Variants in SMPD3 observed in about 807,000 individuals in gnomAD.
The protein encoded by SMPD3 is sphingomyelin phosphodiesterase 3.
Under a neutral mutation model 55.7 loss-of-function variants are expected in SMPD3, and 21 were observed. That is an observed-to-expected ratio of 0.38 (90% CI 0.27 to 0.54). SMPD3 has a LOEUF of 0.54. Among genes scored for constraint, SMPD3 ranks in the 20% least tolerant of loss-of-function variants. SMPD3 has a pLI of 0.80. For synonymous variants in SMPD3, 457 were observed against 404.3 expected, an observed-to-expected ratio of 1.13 and a Z score of -1.56; for missense variants, 842 against 899.6, an observed-to-expected ratio of 0.94 and a Z score of 0.82.
rs934799688 is a variant in SMPD3 at position 68,385,634 on chromosome 16, G to A, written c.-207+964C>T. Among the ~76,000 whole-genome samples, 4 of 152,028 alleles carry A rather than the reference G, an allele frequency of 2.6e-5. No individual in the cohort carries two copies. The South Asian group carries it at 6.2e-4, about 24-fold the overall frequency. The stretch of plus-strand genomic sequence containing the variant: ...TGACCACCCTGGCAACCCTGACAAC[G>A]CTTAATTTGTCAATATTTGAGAAGG... On this transcript the variant is annotated intron_variant, in intron 2 of 8. Coordinates refer to ENST00000219334, the MANE Select transcript of SMPD3 (RefSeq NM_018667.4).
chr16:68,389,526 A>C (rs2090092706), intron 1 of SMPD3, among the ~76,000 whole-genome samples: 1 of 152,164 alleles, frequency 6.6e-6, no homozygotes, highest in African/African-American at 2.4e-5. Context: ...AATGAGGATA[A>C]CACTGACTTC....
At chr16:68,416,879 G>A (rs991756664) in intron 1 of SMPD3, among the ~76,000 whole-genome samples, 2 of 152,062 alleles carry the variant, frequency 1.3e-5, no homozygotes, top group African/African-American at 4.8e-5. Flanking sequence ...GGCCCGTGTC[G>A]CTGGAAGATG....
intron 1 of SMPD3, among the ~76,000 whole-genome samples, chr16:68,409,108 C>T (rs1219198606): frequency 6.6e-6 from 1 of 152,220 alleles, no homozygotes; most frequent in Non-Finnish European, 1.5e-5. Flanking sequence ...ATTCTCCCAG[C>T]AGGCTTTAAG....
intron 1 of SMPD3, among the ~76,000 whole-genome samples, chr16:68,446,817 G>A (rs1160952633): frequency 6.6e-6 from 1 of 152,198 alleles, no homozygotes; most frequent in East Asian, 1.9e-4. Context: ...AGTGGTCACA[G>A]GTCCTGAACA....
At chr16:68,444,517 TC>T (rs1263187576) in intron 1 of SMPD3, among the ~76,000 whole-genome samples, 1 of 67,808 alleles carries the variant, frequency 1.5e-5, no homozygotes, top group Non-Finnish European at 3.8e-5. Context: ...TTCTATGAAC[TC>T]CAAGAATTTT....
intron 1 of SMPD3, among the ~76,000 whole-genome samples, chr16:68,440,270 C>T (rs535008247): frequency 4.6e-5 from 7 of 152,288 alleles, no homozygotes; most frequent in African/African-American, 1.2e-4. Context: ...AATGTTGGCT[C>T]ACTGCAGCCT....
chr16:68,440,518 A>AT (rs1437193096), intron 1 of SMPD3, among the ~76,000 whole-genome samples: 1 of 152,238 alleles, frequency 6.6e-6, no homozygotes, highest in Non-Finnish European at 1.5e-5. Flanking sequence ...CAAATTCTAT[A>AT]TTAAATAACA....
rs2089657661 is a variant in SMPD3 at position 68,371,266 on chromosome 16, G to A, written c.916C>T (p.Arg306Ter). The A allele has an allele frequency of 2.5e-6, 4 of 1,605,922 alleles. No individual in the cohort carries two copies. The highest frequency in any genetic ancestry group is 3.4e-6 in the Non-Finnish European group (4 of 1,178,506). Residue 306 changes from arginine (R) to a stop codon, truncating the protein, a stop_gained, in exon 3 of 9, where the codon CGA (arginine) becomes TGA (stop). Transcript: ENST00000219334. LOFTEE classifies it high-confidence loss of function. ...CTGGCACTGGTGTCTGGCCCAGCTC[G>A]CCCCTTCACCAGGGACTCCCGGGAG... ...SASRESLVKG[R>*]AGPDTSASGE...
chr16:68,384,803 A>C lies in SMPD3; in HGVS notation c.-207+1795T>G, dbSNP rs560298060. 4.0e-5 allele frequency among the ~76,000 whole-genome samples: 6 copies of C among 151,578 alleles called. No homozygotes were observed. In the South Asian group the frequency reaches 1.0e-3, roughly 26 times the overall value. On this transcript the variant is annotated intron_variant, in intron 2 of 8. Transcript: ENST00000219334. ...CCATCACCTGACCCTAGCTGTGTGT[A>C]GAGTAGGAAGGTAATAGGAACCCCT...
At chr16:68,431,717 T>C (rs185430203) in intron 1 of SMPD3, among the ~76,000 whole-genome samples, 123 of 151,170 alleles carry the variant, frequency 8.1e-4, no homozygotes, top group Non-Finnish European at 1.4e-3. Context: ...AGGTCAGGAG[T>C]TCAAGACCAG....
At chr16:68,401,047 G>C (rs1436300100) in intron 1 of SMPD3, among the ~76,000 whole-genome samples, 1 of 152,222 alleles carries the variant, frequency 6.6e-6, no homozygotes, top group East Asian at 1.9e-4. Flanking sequence ...GCCACCCTCT[G>C]TGAGGTGCTG....
chr16:68,411,364 A>T (rs2090299212), intron 1 of SMPD3, among the ~76,000 whole-genome samples: 1 of 152,116 alleles, frequency 6.6e-6, no homozygotes, highest in Non-Finnish European at 1.5e-5. Context: ...GTGTCTGAGG[A>T]CAACCACCAT....
intron 1 of SMPD3, among the ~76,000 whole-genome samples, chr16:68,429,843 A>G (rs2090465801): frequency 6.6e-6 from 1 of 152,116 alleles, no homozygotes; most frequent in African/African-American, 2.4e-5. Flanking sequence ...AAGGGGTTAG[A>G]TGTTACAATT....
In SMPD3 at chr16:68,447,979, G is replaced by T. The variant is rs2090623452; in HGVS notation, c.-269+374C>A. Among the ~76,000 whole-genome samples the T allele has an allele frequency of 6.6e-6, 1 of 152,122 alleles. No individual in the cohort carries two copies. Among genetic ancestry groups the T allele is most frequent in the Non-Finnish European group, 1.5e-5 (1 of 68,012 alleles). Reference sequence around the variant, plus strand: ...CGAGCAGCCGAAGTGTTGCGGGGAGGGGTCCCCCTGCCTCGAGTCCCTTCA... The same window carrying T: ...CGAGCAGCCGAAGTGTTGCGGGGAGTGGTCCCCCTGCCTCGAGTCCCTTCA... On this transcript the variant is annotated intron_variant, in intron 1 of 8. Transcript: ENST00000219334. The surrounding 1 kb of genome is among the most constrained non-coding windows in gnomAD (Gnocchi z 5.1).
At chr16:68,405,111 A>G (rs1464939742) in intron 1 of SMPD3, among the ~76,000 whole-genome samples, 1 of 152,194 alleles carries the variant, frequency 6.6e-6, no homozygotes, top group African/African-American at 2.4e-5. Context: ...CTATTCTACT[A>G]GCAGAGTTTT....
chr16:68,422,626 A>G (rs1044541818), intron 1 of SMPD3, among the ~76,000 whole-genome samples: 3 of 152,180 alleles, frequency 2.0e-5, no homozygotes, highest in African/African-American at 4.8e-5. Context: ...TAGTTTGATG[A>G]TGCTGAGGGT....
At chr16:68,444,962 C>A (rs1360646161) in intron 1 of SMPD3, among the ~76,000 whole-genome samples, 1 of 152,236 alleles carries the variant, frequency 6.6e-6, no homozygotes, top group African/African-American at 2.4e-5. Flanking sequence ...TACCTTCTTT[C>A]CTTTGCAGAG....
At chr16:68,399,253 C>A (rs1039859580) in intron 1 of SMPD3, among the ~76,000 whole-genome samples, 1 of 152,150 alleles carries the variant, frequency 6.6e-6, no homozygotes, top group African/African-American at 2.4e-5. Flanking sequence ...TCCCATTTTC[C>A]CCACATGGGG....
rs896969967 is a variant in SMPD3, at chr16:68,399,682, C to T, written c.-268-13023G>A. On this transcript the variant is annotated intron_variant, in intron 1 of 8. Coordinates refer to ENST00000219334, the MANE Select transcript of SMPD3 (RefSeq NM_018667.4). Reference sequence around the variant, plus strand: ...GAATGATGGTCAGACCCCCCACTGGCCATTCTTCCTGGATGACTTGGAACC... The same window carrying T: ...GAATGATGGTCAGACCCCCCACTGGTCATTCTTCCTGGATGACTTGGAACC... Among the ~76,000 whole-genome samples, 23 of 152,340 alleles carry T rather than the reference C, an allele frequency of 1.5e-4. 1 individual carries two copies. The East Asian group carries it at 2.3e-3, about 15-fold the overall frequency.
Sources: gnomAD v4.1 joint callset for allele counts (sites outside exome capture counted in the v4.1 genomes callset) on GRCh38, gnomAD v4.1.1 for gene constraint, Gnocchi (gnomAD v3.1) non-coding constraint, MANE v1.5 for transcripts, NCBI Gene and HGNC (gene_info 2026-07-23, HGNC 2026-07-21) for gene names.